The following THSD4 variants were observed in gnomAD, a reference collection of about 807,000 sequenced individuals.
THSD4 encodes thrombospondin type 1 domain containing 4.
Under a neutral mutation model 119.0 loss-of-function variants are expected in THSD4, and 69 were observed. The observed-to-expected ratio is 0.58, with a 90% CI of 0.48 to 0.71. The LOEUF (loss-of-function observed/expected upper bound fraction) is 0.71. Ranked by LOEUF, THSD4 falls within the 30% of genes least tolerant of loss-of-function variation. THSD4 has a pLI of 0.00. For missense variants in THSD4, 1,393 were observed against 1,391.1 expected (o/e 1.00, Z -0.02); for synonymous variants, 524 against 540.4 (o/e 0.97, Z 0.42).
chr15:71,367,960 T>C (rs1418029797), intron 6 of THSD4, among the ~76,000 whole-genome samples: 4 of 152,362 alleles, frequency 2.6e-5, no homozygotes, highest in Middle Eastern at 3.4e-3. Context: ...TTTCTGACTT[T>C]TTAATGATCA....
intron 7 of THSD4, among the ~76,000 whole-genome samples, chr15:71,477,050 C>CA (rs1282235657): frequency 6.6e-6 from 1 of 152,184 alleles, no homozygotes; most frequent in African/African-American, 2.4e-5. Flanking sequence ...TTAAGTCCCC[C>CA]AAATAGCACT....
intron 6 of THSD4, among the ~76,000 whole-genome samples, chr15:71,333,879 T>G (rs887680698): frequency 6.6e-6 from 1 of 152,154 alleles, no homozygotes; most frequent in Non-Finnish European, 1.5e-5. Context: ...CTACAGAAGG[T>G]TGTGGCTTCT....
At chr15:71,660,821 C>A in intron 8 of THSD4, 87 bp downstream of exon 8, 1 of 1,468,080 alleles carries the variant, frequency 6.8e-7, no homozygotes, top group African/African-American at 1.4e-5. Context: ...ACAGCAGTGT[C>A]CGAGAGTCCC....
At chr15:71,113,883 TATA>T (rs2040326860), upstream of THSD4, 1 of 152,194 alleles carries the variant, frequency 6.6e-6, no homozygotes, top group African/African-American at 2.4e-5. Flanking sequence ...TTTTTAAGTG[TATA>T]ATTCAGTGAC....
chr15:71,646,607 C>T (rs1447619629), intron 7 of THSD4, among the ~76,000 whole-genome samples: 1 of 152,170 alleles, frequency 6.6e-6, no homozygotes, highest in South Asian at 2.1e-4. Flanking sequence ...GAGTTCCTTC[C>T]ATGTGTCAGA....
intron 1 of THSD4, among the ~76,000 whole-genome samples, chr15:71,134,298 C>A (rs2040529646): frequency 6.6e-6 from 1 of 152,242 alleles, no homozygotes; most frequent in Admixed American, 6.5e-5. Context: ...CTGAATACTT[C>A]TGGCCTGGGG....
chr15:71,684,207 G>GGTAAA (rs2051858278), intron 8 of THSD4, among the ~76,000 whole-genome samples: 1 of 151,920 alleles, frequency 6.6e-6, no homozygotes, highest in Non-Finnish European at 1.5e-5. Flanking sequence ...AAAAGTTATG[G>GGTAAA]GTTTTTTTAT....
In THSD4 at chr15:71,215,059, G is replaced by A; in HGVS notation, c.124G>A (p.Gly42Ser). Residue 42 changes from glycine to serine, a missense_variant, in exon 4 of 18, where the codon GGC (glycine) becomes AGC (serine). Physicochemically the swap from Gly to Ser is moderately conservative, Grantham distance 56. Transcript: ENST00000261862. ...RKVPQRMAAEGAPEDDGGGGA... is the reference protein window; with the variant it reads ...RKVPQRMAAESAPEDDGGGGA... Reference sequence around the variant, plus strand: ...GGTCCCGCAGCGGATGGCGGCGGAGGGCGCCCCCGAGGACGACGGCGGCGG... The same window carrying A: ...GGTCCCGCAGCGGATGGCGGCGGAGAGCGCCCCCGAGGACGACGGCGGCGG... The A allele has an allele frequency of 7.7e-7, 1 of 1,293,456 alleles. No homozygotes were observed. The highest frequency in any genetic ancestry group is 9.8e-7 in the Non-Finnish European group (1 of 1,016,778). 80.1% of individuals were successfully genotyped at this position (1,293,456 alleles called of 1,614,324 possible). A position where few individuals can be genotyped will look rare whatever the true frequency, so the allele number is the denominator to read the frequency against.
intron 7 of THSD4, among the ~76,000 whole-genome samples, chr15:71,548,995 C>T (rs746561171): frequency 6.6e-6 from 1 of 152,222 alleles, no homozygotes; most frequent in Non-Finnish European, 1.5e-5. Flanking sequence ...ACAGCTGACT[C>T]GTGGGGAAGG....
chr15:71,524,547 A>G (rs1412709769), intron 7 of THSD4, among the ~76,000 whole-genome samples: 1 of 148,608 alleles, frequency 6.7e-6, no homozygotes, highest in Non-Finnish European at 1.5e-5. Context: ...GCACAGGAGG[A>G]AGATGGAGAT....
chr15:71,361,879 C>A (rs981737375), intron 6 of THSD4, among the ~76,000 whole-genome samples: 3 of 151,884 alleles, frequency 2.0e-5, no homozygotes, highest in Non-Finnish European at 4.4e-5. Flanking sequence ...TGAGTGAACA[C>A]CAAAAATGTG....
At position 71,613,994 on chromosome 15, in the gene THSD4, T is replaced by A. The variant is rs545747942; in HGVS notation, c.1153-46536T>A. Among the ~76,000 whole-genome samples, 7 of 152,330 alleles carry A rather than the reference T, an allele frequency of 4.6e-5. No individual in the cohort carries two copies. In the East Asian group the frequency reaches 1.3e-3, roughly 29 times the overall value. On this transcript the variant is annotated intron_variant, in intron 7 of 17. Transcript: ENST00000261862. ...TCGTAATACAAGGAATATTCATTAA[T>A]GCAACTTTTAAGCATGGAAGCCATC... is the stretch of plus-strand genomic sequence containing the variant.
chr15:71,327,979 C>T (rs372466238), intron 6 of THSD4, among the ~76,000 whole-genome samples: 1 of 152,124 alleles, frequency 6.6e-6, no homozygotes, highest in Admixed American at 6.5e-5. Context: ...CCTCTTTTCC[C>T]ACAAACTTAC....
chr15:71,229,588 T>A (rs775266931), intron 4 of THSD4, among the ~76,000 whole-genome samples: 6 of 152,240 alleles, frequency 3.9e-5, no homozygotes, highest in Admixed American at 1.3e-4. Flanking sequence ...GCATGTTCAA[T>A]ATTGAGGCAA....
intron 4 of THSD4, among the ~76,000 whole-genome samples, chr15:71,241,419 A>G (rs2044151691): frequency 6.6e-6 from 1 of 152,048 alleles, no homozygotes; most frequent in South Asian, 2.1e-4. Flanking sequence ...TCCCAAAGCA[A>G]CATTTATTGT....
At chr15:71,748,744 T>C in intron 14 of THSD4, 150 bp downstream of exon 14, 1 of 1,039,920 alleles carries the variant, frequency 9.6e-7, no homozygotes, top group Non-Finnish European at 1.4e-6. Context: ...ATCGTAGGCT[T>C]TCTATCCTTA....
intron 7 of THSD4, among the ~76,000 whole-genome samples, chr15:71,457,687 C>T (rs144605891): frequency 5.4e-4 from 82 of 152,286 alleles, no homozygotes; most frequent in African/African-American, 1.9e-3. Context: ...TTCACTTCTT[C>T]GATGCTTCTG....
At chr15:71,157,177 G>C (rs1344945850) in intron 3 of THSD4, among the ~76,000 whole-genome samples, 2 of 152,098 alleles carry the variant, frequency 1.3e-5, no homozygotes, top group South Asian at 4.2e-4. Flanking sequence ...GCTGTCTCCT[G>C]TAATTTTTCA....
At chr15:71,364,035 A>G (rs1226668617) in intron 6 of THSD4, among the ~76,000 whole-genome samples, 2 of 152,174 alleles carry the variant, frequency 1.3e-5, no homozygotes, top group South Asian at 2.1e-4. Flanking sequence ...GCGATAGAAG[A>G]TGGTTGAACT....
Sources: gnomAD v4.1 joint callset for allele counts (sites outside exome capture counted in the v4.1 genomes callset) on GRCh38, gnomAD v4.1.1 for gene constraint, MANE v1.5 for transcripts, NCBI Gene and HGNC (gene_info 2026-07-23, HGNC 2026-07-21) for gene names.